AK3: variants seen among roughly 807,000 people sequenced by gnomAD.
AK3 encodes the protein GTP:AMP phosphotransferase AK3, mitochondrial.
A neutral mutation model predicts 23.7 loss-of-function variants in AK3; 27 were observed. That is an observed-to-expected ratio of 1.14 (90% CI 0.84 to 1.57). The LOEUF is 1.57. Ranked by LOEUF, AK3 falls within the 40% of genes most tolerant of loss-of-function variation. The pLI is 0.00. For missense variants in AK3, 406 were observed against 285.6 expected (o/e 1.42, Z -3.04); for synonymous variants, 159 against 116.0 (o/e 1.37, Z -2.38).
chr9:4,737,668 G>A (rs767607263), intron 1 of AK3, among the ~76,000 whole-genome samples: 3 of 152,126 alleles, frequency 2.0e-5, no homozygotes, highest in South Asian at 2.1e-4. Context: ...GCAGTAAGCC[G>A]AGATCGTGCC....
chr9:4,741,354 CAA>C (rs1842431037), upstream of AK3: 1 of 338,554 alleles, frequency 3.0e-6, no homozygotes, highest in Non-Finnish European at 5.3e-6. Context: ...GCAAGCCGCG[CAA>C]GCCGCGCCCC....
Position 4,729,015 on chromosome 9 carries a change from A to ATATTTTTTTTT in AK3, c.152-6391_152-6390insAAAAAAAAATA, listed in dbSNP as rs71326127. Among the ~76,000 whole-genome samples, 3 of 129,450 alleles carry ATATTTTTTTTT rather than the reference A, an allele frequency of 2.3e-5. 1 individual carries two copies. The highest frequency in any genetic ancestry group is 4.8e-4 in the East Asian group (2 of 4,194). 84.9% of individuals were successfully genotyped at this position (129,450 alleles called of 152,430 possible). A position where few individuals can be genotyped will look rare whatever the true frequency, so the allele number is the denominator to read the frequency against. ...CACACACACATATATATATATATAT[A>ATATTTTTTTTT]TTTTTTTTTTTTGAGACGGAATTTT... On this transcript the variant is annotated intron_variant, in intron 1 of 4. Transcript: ENST00000381809.
chr9:4,736,472 CAA>C (rs34296493), intron 1 of AK3, among the ~76,000 whole-genome samples: 26 of 81,294 alleles, frequency 3.2e-4, no homozygotes, highest in South Asian at 7.7e-4. Flanking sequence ...TTTACCATTC[CAA>C]AAAAAAAAAA....
At position 4,711,037 on chromosome 9, in the gene AK3, C is replaced by G. The variant is rs1265394756; in HGVS notation, c.*1939G>C. 6.6e-6 allele frequency: 1 copy of G among 152,240 alleles called. No homozygotes were observed. The allele number at this position is 152,240 out of a possible 1,614,324, so 9.4% of individuals were successfully genotyped here. ...GTCACAGGAAATAAGAGTCTTAATTCTCATAGCCATGTTCTTCCACTGCTC... is the reference window on the plus strand; with the variant it reads ...GTCACAGGAAATAAGAGTCTTAATTGTCATAGCCATGTTCTTCCACTGCTC... On this transcript the variant is annotated 3_prime_UTR_variant, in exon 5 of 5. Coordinates refer to ENST00000381809, the MANE Select transcript of AK3 (RefSeq NM_016282.4).
chr9:4,730,586 G>C (rs1397694873), intron 1 of AK3, among the ~76,000 whole-genome samples: 1 of 152,176 alleles, frequency 6.6e-6, no homozygotes, highest in Non-Finnish European at 1.5e-5. Flanking sequence ...CTTGGTGACA[G>C]AGCAAGACCT....
chr9:4,725,451 C>G (rs1352206594), intron 1 of AK3, among the ~76,000 whole-genome samples: 1 of 152,000 alleles, frequency 6.6e-6, no homozygotes, highest in African/African-American at 2.4e-5. Flanking sequence ...AAATTAAAAA[C>G]TTTTTGTGCT....
chr9:4,736,971 C>T (rs556192516), intron 1 of AK3, among the ~76,000 whole-genome samples: 2 of 152,290 alleles, frequency 1.3e-5, no homozygotes, highest in East Asian at 1.9e-4. Flanking sequence ...AGCCACCACA[C>T]CTAGCCAGGG....
chr9:4,717,949 C>G (rs1251344869), intron 4 of AK3, among the ~76,000 whole-genome samples: 1 of 152,190 alleles, frequency 6.6e-6, no homozygotes, highest in East Asian at 1.9e-4. Context: ...TCAGTGTAAT[C>G]AGTGGAATCC....
At chr9:4,721,969 G>A (rs1461392552) in intron 2 of AK3, among the ~76,000 whole-genome samples, 1 of 152,200 alleles carries the variant, frequency 6.6e-6, no homozygotes, top group Non-Finnish European at 1.5e-5. Flanking sequence ...GTGGGTGAAT[G>A]GGGTTGAGTA....
intron 1 of AK3, among the ~76,000 whole-genome samples, chr9:4,728,694 A>C (rs538347559): frequency 7.2e-5 from 11 of 151,752 alleles, no homozygotes; most frequent in Admixed American, 6.6e-4. Context: ...AGTTTTTTTA[A>C]AGGTTGAACA....
At position 4,712,149 on chromosome 9, in the gene AK3, T is replaced by G. The variant is rs1367191201; in HGVS notation, c.*827A>C. The G allele has an allele frequency of 6.6e-6, 1 of 152,144 alleles. No homozygotes were observed. Among genetic ancestry groups the G allele is most frequent in the East Asian group, 1.9e-4 (1 of 5,198 alleles). 9.4% of individuals were successfully genotyped at this position (152,144 alleles called of 1,614,324 possible). A position where few individuals can be genotyped will look rare whatever the true frequency, so the allele number is the denominator to read the frequency against. On this transcript the variant is annotated 3_prime_UTR_variant, in exon 5 of 5. Transcript: ENST00000381809. Reference sequence around the variant, plus strand: ...TGGATCAAAAAGAAAAACCAGCAAGTAGATCCTAAAACACATTTCTTAACC... The same window carrying G: ...TGGATCAAAAAGAAAAACCAGCAAGGAGATCCTAAAACACATTTCTTAACC...
intron 1 of AK3, among the ~76,000 whole-genome samples, chr9:4,730,288 AC>A (rs974476693): frequency 6.6e-6 from 1 of 152,174 alleles, no homozygotes; most frequent in Admixed American, 6.5e-5. Context: ...TATGCTAAAA[AC>A]CACTGAATCA....
At chr9:4,728,866 T>C (rs28848329) in intron 1 of AK3, among the ~76,000 whole-genome samples, 41,503 of 82,334 alleles carry the variant, frequency 0.5, 8,460 homozygotes, top group African/African-American at 0.58. Context: ...TATATATATA[T>C]ACACACACAC....
At chr9:4,730,231 TA>T (rs1219299094) in intron 1 of AK3, among the ~76,000 whole-genome samples, 1 of 152,182 alleles carries the variant, frequency 6.6e-6, no homozygotes, top group Non-Finnish European at 1.5e-5. Flanking sequence ...TTTGGAGTGA[TA>T]AAAATGTTCT....
At position 4,711,218 on chromosome 9, in the gene AK3, G is replaced by C. The variant is rs1047899; in HGVS notation, c.*1758C>G. On this transcript the variant is annotated 3_prime_UTR_variant, in exon 5 of 5. Coordinates refer to ENST00000381809, the MANE Select transcript of AK3 (RefSeq NM_016282.4). ...GAAGCCATTGAGACATCAGGCAGCA[G>C]AAAGGAAGGTGGGATGGAGCAGGCC... 1 of 152,660 alleles carries C rather than the reference G, an allele frequency of 6.6e-6. No individual in the cohort carries two copies. The highest frequency in any genetic ancestry group is 2.4e-5 in the African/African-American group (1 of 41,448). The allele number at this position is 152,660 out of a possible 1,614,324, so 9.5% of individuals were successfully genotyped here.
At chr9:4,721,339 G>A (rs1273258467) in intron 2 of AK3, among the ~76,000 whole-genome samples, 6 of 151,306 alleles carry the variant, frequency 4.0e-5, no homozygotes, top group Non-Finnish European at 7.4e-5. Context: ...GGAGGAAGAG[G>A]TTGCAGTGAG....
chr9:4,729,015 A>ATATATATTTTTT lies in AK3; in HGVS notation c.152-6391_152-6390insAAAAAATATATA, dbSNP rs71326127. Among the ~76,000 whole-genome samples the ATATATATTTTTT allele has an allele frequency of 6.6e-4, 85 of 129,426 alleles. 2 individuals carry two copies. The East Asian group carries it at 0.013, about 20-fold the overall frequency. The allele number at this position is 129,426 out of a possible 152,430, so 84.9% of individuals were successfully genotyped here. The stretch of plus-strand genomic sequence containing the variant: ...CACACACACATATATATATATATAT[A>ATATATATTTTTT]TTTTTTTTTTTTGAGACGGAATTTT... On this transcript the variant is annotated intron_variant, in intron 1 of 4. Transcript: ENST00000381809.
intron 4 of AK3, among the ~76,000 whole-genome samples, chr9:4,717,923 T>C (rs1169758705): frequency 6.6e-6 from 1 of 152,178 alleles, no homozygotes; most frequent in Non-Finnish European, 1.5e-5. Flanking sequence ...CACTGCCAAC[T>C]CTAGAAGTGG....
chr9:4,713,872 A>G (rs1276413766), intron 4 of AK3, among the ~76,000 whole-genome samples: 1 of 151,666 alleles, frequency 6.6e-6, no homozygotes, highest in African/African-American at 2.4e-5. Flanking sequence ...CCTCTTGCTA[A>G]TACCCGTCCT....
Sources: gnomAD v4.1 joint callset for allele counts (sites outside exome capture counted in the v4.1 genomes callset) on GRCh38, gnomAD v4.1.1 for gene constraint, MANE v1.5 for transcripts, NCBI Gene and HGNC (gene_info 2026-07-23, HGNC 2026-07-21) for gene names.